PDZD2: variants seen among roughly 807,000 people sequenced by gnomAD.
PDZD2 encodes the protein PDZ domain containing 2, also known as PDZ domain-containing protein 2.
PDZD2 carries 90 observed loss-of-function variants against 220.7 expected under a neutral mutation model. The observed-to-expected ratio is 0.41, with a 90% CI of 0.34 to 0.49. PDZD2 has a LOEUF of 0.49. PDZD2 is among the 20% of genes least tolerant of loss of function. The pLI is 0.28. For missense variants in PDZD2, 3,174 were observed against 3,608.5 expected, an observed-to-expected ratio of 0.88 and a Z score of 3.08; for synonymous variants, 1,375 against 1,450.5, an observed-to-expected ratio of 0.95 and a Z score of 1.18.
intron 6 of PDZD2, among the ~76,000 whole-genome samples, chr5:32,032,839 A>G (rs1488615310): frequency 6.6e-6 from 1 of 152,124 alleles, no homozygotes; most frequent in Admixed American, 6.5e-5. Flanking sequence ...TATAATCAGG[A>G]TTTGTGCCCA....
intron 24 of PDZD2, among the ~76,000 whole-genome samples, chr5:32,104,584 G>A (rs1437557176): frequency 2.0e-5 from 3 of 151,458 alleles, no homozygotes; most frequent in African/African-American, 7.3e-5. Flanking sequence ...GCTGGGCATT[G>A]TGGTGCATGC....
intron 6 of PDZD2, among the ~76,000 whole-genome samples, chr5:32,021,258 A>AT (rs996225595): frequency 8.8e-5 from 13 of 147,300 alleles, no homozygotes; most frequent in East Asian, 2.0e-4. Context: ...GCTTGCCTTG[A>AT]TTTTTTTTTT....
At chr5:31,911,977 T>A (rs1208992747) in intron 2 of PDZD2, among the ~76,000 whole-genome samples, 2 of 152,194 alleles carry the variant, frequency 1.3e-5, no homozygotes, top group Admixed American at 6.5e-5. Context: ...TGTTTCACAT[T>A]TTCTGCTAAA....
chr5:32,037,334 G>T lies in PDZD2; in HGVS notation c.1511G>T (p.Arg504Leu). The T allele has an allele frequency of 6.3e-7, 1 of 1,598,168 alleles. No homozygotes were observed. Among genetic ancestry groups the T allele is most frequent in the Non-Finnish European group, 8.6e-7 (1 of 1,165,636 alleles). Residue 504 changes from arginine to leucine, a missense_variant, in exon 7 of 25, where the codon CGC (arginine) becomes CTC (leucine). Physicochemically the swap from Arg to Leu is moderately radical, Grantham distance 102. This residue lies in a region of PDZD2 where 632 missense variants were observed against 708.1 expected (regional missense o/e 0.89). Coordinates refer to ENST00000438447, the MANE Select transcript of PDZD2 (RefSeq NM_178140.4). ...AGCAATAAAATCAAGCTCAAGAGTCGCCTTTCAGGTAGGTGGGGGCTCTAC... is the reference window on the plus strand; with the variant it reads ...AGCAATAAAATCAAGCTCAAGAGTCTCCTTTCAGGTAGGTGGGGGCTCTAC... ...QGSNKIKLKS[R>L]LSGGVHRLES...
intron 1 of PDZD2, among the ~76,000 whole-genome samples, chr5:31,733,380 TTCTG>T (rs1749651640): frequency 6.6e-6 from 1 of 152,180 alleles, no homozygotes; most frequent in African/African-American, 2.4e-5. Flanking sequence ...TATCTTTCGT[TTCTG>T]TCTTTCTGGC....
In PDZD2 at chr5:31,754,027, C is replaced by T. The variant is rs57992007; in HGVS notation, c.-360-44862C>T. 1.8e-3 allele frequency among the ~76,000 whole-genome samples: 272 copies of T among 152,320 alleles called. 2 individuals are homozygous for T. The highest frequency in any genetic ancestry group is 6.4e-3 in the African/African-American group (267 of 41,558). On this transcript the variant is annotated intron_variant, in intron 1 of 24. Transcript: ENST00000438447. ...ATCCCAGCTTCATGTGGCATAAATG[C>T]TTCTCTAGTTTGCCTTGAACTCTGT...
chr5:31,955,837 A>G (rs757796350), intron 2 of PDZD2, among the ~76,000 whole-genome samples: 8 of 151,392 alleles, frequency 5.3e-5, no homozygotes, highest in African/African-American at 9.7e-5. Flanking sequence ...TTGGGTTTCC[A>G]TTTTCACTTT....
At chr5:31,828,837 T>C (rs1043637507) in intron 2 of PDZD2, among the ~76,000 whole-genome samples, 3 of 152,176 alleles carry the variant, frequency 2.0e-5, no homozygotes. Flanking sequence ...CACTTTTACA[T>C]TGAGTTGTAA....
At chr5:31,787,579 G>A (rs771974768) in intron 1 of PDZD2, 1 of 151,990 alleles carries the variant, frequency 6.6e-6, no homozygotes, top group Non-Finnish European at 1.5e-5. Flanking sequence ...CAAAATAGCT[G>A]CCAGGTTATC....
chr5:31,949,240 G>C (rs535469290), intron 2 of PDZD2, among the ~76,000 whole-genome samples: 1 of 150,662 alleles, frequency 6.6e-6, no homozygotes, highest in African/African-American at 2.4e-5. Flanking sequence ...AGTTCTTCAC[G>C]TGCAACCAAC....
chr5:32,011,334 CA>C lies in PDZD2; in HGVS notation c.1407+867del, dbSNP rs70957995. 8.3e-3 allele frequency among the ~76,000 whole-genome samples: 1,108 copies of C among 133,714 alleles called. 4 individuals are homozygous for C. Among genetic ancestry groups the C allele is most frequent in the African/African-American group, 0.019 (722 of 38,012 alleles). The allele number at this position is 133,714 out of a possible 152,430, so 87.7% of individuals were successfully genotyped here. The stretch of plus-strand genomic sequence containing the variant: ...CGAAACCCCATCTTTACAAAAAATA[CA>C]AAAAAAAAAAAAAATTAGCCAGGTG... On this transcript the variant is annotated intron_variant, in intron 6 of 24. Transcript: ENST00000438447.
Position 32,108,240 on chromosome 5 carries a change from G to T in PDZD2, c.*105G>T. ...AATGGCCAACACTGGTACAGACACGGACTATAAAAATCTCCAAGCTTGTGC... is the reference window on the plus strand; with the variant it reads ...AATGGCCAACACTGGTACAGACACGTACTATAAAAATCTCCAAGCTTGTGC... On this transcript the variant is annotated 3_prime_UTR_variant, in exon 25 of 25. Coordinates refer to ENST00000438447, the MANE Select transcript of PDZD2 (RefSeq NM_178140.4). 1.5e-6 allele frequency: 1 copy of T among 675,918 alleles called. No homozygotes were observed. The allele number at this position is 675,918 out of a possible 1,614,324, so 41.9% of individuals were successfully genotyped here. A position where few individuals can be genotyped will look rare whatever the true frequency, so the allele number is the denominator to read the frequency against.
intron 2 of PDZD2, among the ~76,000 whole-genome samples, chr5:31,901,803 T>C (rs1742130187): frequency 6.6e-6 from 1 of 152,174 alleles, no homozygotes; most frequent in African/African-American, 2.4e-5. Flanking sequence ...TGTCAACCAC[T>C]CTTTGATTTG....
rs1746336937 is a variant in PDZD2, at chr5:31,942,974, G to A, written c.477-40181G>A. Among the ~76,000 whole-genome samples the A allele has an allele frequency of 2.0e-5, 3 of 152,150 alleles. No homozygotes were observed. In the South Asian group the frequency reaches 6.2e-4, roughly 32 times the overall value. On this transcript the variant is annotated intron_variant, in intron 2 of 24. Coordinates refer to ENST00000438447, the MANE Select transcript of PDZD2 (RefSeq NM_178140.4). ...TCCCAGCACTTTGGGAGCCCAAGGC[G>A]GGTGGATCACCTGAGGTCAGGAGTT...
chr5:31,799,637 C>A lies in PDZD2; in HGVS notation c.389C>A (p.Ala130Glu), dbSNP rs1360612979. ...WVTELRKNSP[A>E]GKSGKVRLRD... The stretch of plus-strand genomic sequence containing the variant: ...ACAGAGCTGAGGAAGAACAGCCCAG[C>A]AGGGAAGAGTGGGAAGGTCCGACTG... Residue 130 changes from alanine to glutamate, a missense_variant, in exon 2 of 25, where the codon GCA becomes GAA. This residue lies in a region of PDZD2 where 632 missense variants were observed against 708.1 expected (regional missense o/e 0.89). Coordinates refer to ENST00000438447, the MANE Select transcript of PDZD2 (RefSeq NM_178140.4). The A allele has an allele frequency of 6.2e-7, 1 of 1,614,068 alleles. No homozygotes were observed. Among genetic ancestry groups the A allele is most frequent in the Non-Finnish European group, 8.5e-7 (1 of 1,179,968 alleles).
chr5:31,743,113 C>T (rs1750366702), intron 1 of PDZD2, among the ~76,000 whole-genome samples: 1 of 152,030 alleles, frequency 6.6e-6, no homozygotes, highest in South Asian at 2.1e-4. Flanking sequence ...TGATTTTGAC[C>T]TACTCTGAAT....
chr5:31,846,508 G>A (rs1378116927), intron 2 of PDZD2, among the ~76,000 whole-genome samples: 3 of 152,148 alleles, frequency 2.0e-5, no homozygotes, highest in Non-Finnish European at 4.4e-5. Flanking sequence ...CTGTTCAGAC[G>A]TCATTCACTC....
chr5:32,080,378 GT>G (rs1314102313), intron 19 of PDZD2, among the ~76,000 whole-genome samples: 3,024 of 146,968 alleles, frequency 0.021, 156 homozygotes, highest in African/African-American at 0.078. Flanking sequence ...AAAGTGGGGG[GT>G]GAGGGGTTTC....
intron 2 of PDZD2, among the ~76,000 whole-genome samples, chr5:31,885,158 CAA>C (rs397978491): frequency 2.7e-4 from 28 of 105,194 alleles, no homozygotes; most frequent in Non-Finnish European, 3.3e-4. Flanking sequence ...GTGCAAACGG[CAA>C]AAAAAAAAAA....
Sources: allele counts gnomAD v4.1 joint callset (sites outside exome capture counted in the v4.1 genomes callset), GRCh38; gene constraint gnomAD v4.1.1; regional missense constraint gnomAD v4.1.1; transcripts MANE v1.5; gene names NCBI Gene and HGNC (gene_info 2026-07-23, HGNC 2026-07-21).